The following CSNK2A2 variants were observed in gnomAD, a reference collection of about 807,000 sequenced individuals.
CSNK2A2 encodes the protein casein kinase II subunit alpha'.
Under a neutral mutation model 54.0 loss-of-function variants are expected in CSNK2A2, and 8 were observed. The observed-to-expected ratio is 0.15, with a 90% CI of 0.09 to 0.27. The LOEUF (loss-of-function observed/expected upper bound fraction) is 0.27. CSNK2A2 is among the 10% of genes least tolerant of loss of function. CSNK2A2 has a pLI of 1.00. For missense variants in CSNK2A2, 242 were observed against 439.4 expected, an observed-to-expected ratio of 0.55 and a Z score of 4.02; for synonymous variants, 141 against 153.9, an observed-to-expected ratio of 0.92 and a Z score of 0.62.
In CSNK2A2 at chr16:58,197,613, G is replaced by A. The variant is rs545600875; in HGVS notation, c.104+20C>T. On this transcript the variant is annotated intron_variant, in intron 1 of 11. Coordinates refer to ENST00000262506, the MANE Select transcript of CSNK2A2 (RefSeq NM_001896.4). This position sits in a 1 kb window ranked among gnomAD's most constrained non-coding sequence, Gnocchi z 4.0. ...GGGGCAGGGATCAGCGGGCCCGGCG[G>A]GGGGCGGCGACGGCTTTACCCCCAG... 1.4e-5 allele frequency: 21 copies of A among 1,520,422 alleles called. No individual in the cohort carries two copies. Among genetic ancestry groups the A allele is most frequent in the Non-Finnish European group, 1.9e-5 (21 of 1,125,664 alleles). 94.2% of individuals were successfully genotyped at this position (1,520,422 alleles called of 1,614,324 possible). A position where few individuals can be genotyped will look rare whatever the true frequency, so the allele number is the denominator to read the frequency against.
rs199609128 is a variant in CSNK2A2 at position 58,178,533 on chromosome 16, C to T, written c.370-4023G>A. Among the ~76,000 whole-genome samples, 14 of 152,224 alleles carry T rather than the reference C, an allele frequency of 9.2e-5. No individual in the cohort carries two copies. The East Asian group carries it at 1.2e-3, about 13-fold the overall frequency. ...CCGACCTCAGGTGATCTGCCTGCTTCGGCCTCCCAAAATGCTGGGATTACA... is the reference window on the plus strand; with the variant it reads ...CCGACCTCAGGTGATCTGCCTGCTTTGGCCTCCCAAAATGCTGGGATTACA... On this transcript the variant is annotated intron_variant, in intron 4 of 11. Coordinates refer to ENST00000262506, the MANE Select transcript of CSNK2A2 (RefSeq NM_001896.4).
At chr16:58,184,139 T>C (rs1962134076) in intron 4 of CSNK2A2, 121 bp downstream of exon 4, 2 of 705,872 alleles carry the variant, frequency 2.8e-6, no homozygotes, top group Admixed American at 5.6e-5. Context: ...AGGAACCCAA[T>C]TTGTTATTTC....
At chr16:58,163,147 A>G (rs1961437235) in intron 11 of CSNK2A2, 1 of 148,670 alleles carries the variant, frequency 6.7e-6, no homozygotes, top group Non-Finnish European at 1.5e-5. Flanking sequence ...TTCCAGCTTT[A>G]GTTATGGTTG....
chr16:58,182,569 A>AC (rs1211434704), intron 4 of CSNK2A2, among the ~76,000 whole-genome samples: 106 of 151,014 alleles, frequency 7.0e-4, no homozygotes, highest in South Asian at 8.4e-4. Context: ...AAAAAAAAAA[A>AC]AAAACAAAAC....
intron 5 of CSNK2A2, among the ~76,000 whole-genome samples, chr16:58,171,524 G>A (rs1961736206): frequency 6.6e-6 from 1 of 151,842 alleles, no homozygotes; most frequent in Non-Finnish European, 1.5e-5. Flanking sequence ...AAGAAAGAAT[G>A]CTTGTTATTT....
At chr16:58,167,931 A>G in intron 6 of CSNK2A2, 136 bp from the exon 7 acceptor site, 1 of 672,278 alleles carries the variant, frequency 1.5e-6, no homozygotes, top group Non-Finnish European at 2.6e-6. Flanking sequence ...CTTAAAAATT[A>G]CATTTTCAGC....
chr16:58,164,680 T>C (rs1338571911), intron 10 of CSNK2A2, among the ~76,000 whole-genome samples: 1 of 152,204 alleles, frequency 6.6e-6, no homozygotes, highest in Non-Finnish European at 1.5e-5. Flanking sequence ...AAAACAGCTT[T>C]CTGTGCCAGA....
At chr16:58,166,793 G>A (rs1346680821) in intron 8 of CSNK2A2, 109 bp from the exon 9 acceptor site, 34 of 756,462 alleles carry the variant, frequency 4.5e-5, no homozygotes, top group Non-Finnish European at 9.0e-6. Context: ...AAACCTCTAG[G>A]AACGAGATAC....
Position 58,184,277 on chromosome 16 carries a change from T to A in CSNK2A2, c.352A>T (p.Asn118Tyr). Residue 118 changes from asparagine to tyrosine, a missense_variant, in exon 4 of 12, where the codon AAT (asparagine) becomes TAT (tyrosine). By Grantham distance (143) the Asn-to-Tyr change is moderately radical. Coordinates refer to ENST00000262506, the MANE Select transcript of CSNK2A2 (RefSeq NM_001896.4). ...ATACGCACCTTAAAATCTGTATTATTGATATATTCAAATACCAAAGCTGGT... is the reference window on the plus strand; with the variant it reads ...ATACGCACCTTAAAATCTGTATTATAGATATATTCAAATACCAAAGCTGGT... ...KTPALVFEYI[N>Y]NTDFKQLYQI... is the part of the protein sequence containing the mutation. The A allele has an allele frequency of 6.2e-7, 1 of 1,603,914 alleles. No individual in the cohort carries two copies. The highest frequency in any genetic ancestry group is 8.5e-7 in the Non-Finnish European group (1 of 1,173,174).
In CSNK2A2 at chr16:58,167,763, G is replaced by C; in HGVS notation, c.546C>G (p.Phe182Leu). ...LRLIDWGLAE[F>L]YHPAQEYNVR... ...CATTGTACTCCTGAGCAGGATGATA[G>C]AATTCTGCCAGACCCCAATCTATCA... Residue 182 changes from phenylalanine (F) to leucine (L), a missense_variant, in exon 7 of 12, where the codon TTC becomes TTG. Physicochemically the swap from Phe to Leu is conservative, Grantham distance 22 (BLOSUM62 0). Around this residue, in one of 5 missense-constraint regions of CSNK2A2, gnomAD observed 40 missense variants for 128.7 expected, o/e 0.31. Coordinates refer to ENST00000262506, the MANE Select transcript of CSNK2A2 (RefSeq NM_001896.4). The C allele has an allele frequency of 6.2e-7, 1 of 1,614,100 alleles. No individual in the cohort carries two copies. Among genetic ancestry groups the C allele is most frequent in the Non-Finnish European group, 8.5e-7 (1 of 1,179,974 alleles).
intron 11 of CSNK2A2, chr16:58,162,339 T>C (rs376235773): frequency 6.6e-6 from 1 of 152,236 alleles, no homozygotes; most frequent in Non-Finnish European, 1.5e-5. Flanking sequence ...GTATACAGAA[T>C]GTGCAATGCA....
intron 5 of CSNK2A2, chr16:58,174,199 C>A (rs912947953): frequency 3.0e-6 from 1 of 333,312 alleles, no homozygotes; most frequent in Non-Finnish European, 5.4e-6. Flanking sequence ...AACATATGGA[C>A]CAACAAGAGC....
At chr16:58,169,867 A>G (rs1363467934) in intron 5 of CSNK2A2, among the ~76,000 whole-genome samples, 1 of 152,066 alleles carries the variant, frequency 6.6e-6, no homozygotes, top group African/African-American at 2.4e-5. Context: ...CAACATGGCG[A>G]AACTCCACCT....
At chr16:58,171,979 A>ATATTTTTTTTTT (rs1261137669) in intron 5 of CSNK2A2, among the ~76,000 whole-genome samples, 2 of 66,214 alleles carry the variant, frequency 3.0e-5, no homozygotes, top group Non-Finnish European at 5.0e-5. Flanking sequence ...ATATATATAT[A>ATATTTTTTTTTT]TTTTTTTTTT....
chr16:58,177,306 T>G (rs1961908901), intron 4 of CSNK2A2, among the ~76,000 whole-genome samples: 1 of 152,240 alleles, frequency 6.6e-6, no homozygotes, highest in Admixed American at 6.5e-5. Flanking sequence ...CCCTTCTTCT[T>G]AGCCAGCTAC....
rs1292912409 is a variant in CSNK2A2, at chr16:58,197,563, G to C, written c.104+70C>G. 1.9e-6 allele frequency: 2 copies of C among 1,080,634 alleles called. No individual in the cohort carries two copies. The highest frequency in any genetic ancestry group is 6.2e-5 in the East Asian group (2 of 32,342). 66.9% of individuals were successfully genotyped at this position (1,080,634 alleles called of 1,614,324 possible). ...GCGGGAGACACCACCGGGCCCGAGT[G>C]CGGTTCGCAGGGGGTGGCCGGGCGG... is the stretch of plus-strand genomic sequence containing the variant. On this transcript the variant is annotated intron_variant, in intron 1 of 11. Transcript: ENST00000262506. The surrounding 1 kb of genome is among the most constrained non-coding windows in gnomAD (Gnocchi z 4.0).
intron 4 of CSNK2A2, among the ~76,000 whole-genome samples, chr16:58,178,620 C>T (rs751964470): frequency 1.5e-4 from 23 of 152,146 alleles, no homozygotes; most frequent in Non-Finnish European, 2.6e-4. Flanking sequence ...TACAATTATT[C>T]AGTCCAACTC....
At position 58,197,124 on chromosome 16, in the gene CSNK2A2, G is replaced by C; in HGVS notation, c.105-280C>G. Reference sequence around the variant, plus strand: ...GGCGAGCAAAGCACCCGTCCTGAAGGCCTAGAGGGTGCCCCCTGTGCCCCG... The same window carrying C: ...GGCGAGCAAAGCACCCGTCCTGAAGCCCTAGAGGGTGCCCCCTGTGCCCCG... On this transcript the variant is annotated intron_variant, in intron 1 of 11. Transcript: ENST00000262506. This position sits in a 1 kb window ranked among gnomAD's most constrained non-coding sequence, Gnocchi z 4.0. 2.4e-6 allele frequency: 1 copy of C among 414,908 alleles called. No individual in the cohort carries two copies. Among genetic ancestry groups the C allele is most frequent in the East Asian group, 4.6e-5 (1 of 21,650 alleles). 25.7% of individuals were successfully genotyped at this position (414,908 alleles called of 1,614,324 possible).
rs1010147713 is a variant in CSNK2A2, at chr16:58,198,075, G to A, written c.-339C>T. Among the ~76,000 whole-genome samples, 2 of 146,530 alleles carry A rather than the reference G, an allele frequency of 1.4e-5. No individual in the cohort carries two copies. The highest frequency in any genetic ancestry group is 2.4e-5 in the African/African-American group (1 of 40,848). On this transcript the variant is annotated 5_prime_UTR_variant, in exon 1 of 12. Transcript: ENST00000262506. ...GCAGCCACCGGCCGGGAAAGGGGCA[G>A]CGGCGGCGGCAGCGGAGAAGAAGGA...
Sources: allele counts gnomAD v4.1 joint callset (sites outside exome capture counted in the v4.1 genomes callset), GRCh38; gene constraint gnomAD v4.1.1; regional missense constraint gnomAD v4.1.1; non-coding constraint Gnocchi (gnomAD v3.1); transcripts MANE v1.5; gene names NCBI Gene and HGNC (gene_info 2026-07-23, HGNC 2026-07-21).